Variants in RAD51B observed in about 807,000 individuals in gnomAD.
The protein encoded by RAD51B is RAD51 paralog B, also known as DNA repair protein RAD51 homolog 2.
A neutral mutation model predicts 42.2 loss-of-function variants in RAD51B; 38 were observed. The observed-to-expected ratio is 0.90, with a 90% CI of 0.70 to 1.18. The LOEUF (loss-of-function observed/expected upper bound fraction) is 1.18, where lower values mean the gene tolerates loss of function less well. RAD51B is among the 50% of genes most tolerant of loss of function. The pLI, the probability that RAD51B is intolerant of heterozygous loss-of-function variation, is 0.00. For missense variants in RAD51B, 373 were observed against 400.7 expected, an observed-to-expected ratio of 0.93 and a Z score of 0.59; for synonymous variants, 154 against 145.2, an observed-to-expected ratio of 1.06 and a Z score of -0.43.
chr14:68,443,426 C>T (rs1215606145), intron 9 of RAD51B, among the ~76,000 whole-genome samples: 1 of 152,144 alleles, frequency 6.6e-6, no homozygotes, highest in African/African-American at 2.4e-5. Flanking sequence ...CAGAAGGAAC[C>T]TGGGAGTGGT....
chr14:68,331,040 C>A (rs1218587619), intron 8 of RAD51B, among the ~76,000 whole-genome samples: 1 of 151,980 alleles, frequency 6.6e-6, no homozygotes. Context: ...AAAAACAATT[C>A]TAGGTTTATA....
chr14:68,110,770 A>G (rs1006019367), intron 7 of RAD51B, among the ~76,000 whole-genome samples: 2 of 152,054 alleles, frequency 1.3e-5, no homozygotes, highest in African/African-American at 4.8e-5. Context: ...GAATTTTAAT[A>G]CATGATTGTT....
intron 4 of RAD51B, among the ~76,000 whole-genome samples, chr14:67,839,474 T>C (rs1197014039): frequency 6.6e-6 from 1 of 152,142 alleles, no homozygotes; most frequent in Non-Finnish European, 1.5e-5. Context: ...AGTTATTCAT[T>C]ACAATCTTCC....
intron 10 of RAD51B, among the ~76,000 whole-genome samples, chr14:68,501,080 C>G (rs1057245912): frequency 2.6e-5 from 4 of 152,114 alleles, no homozygotes; most frequent in African/African-American, 9.7e-5. Flanking sequence ...TGGGGTGTGG[C>G]CAACATGGCA....
intron 7 of RAD51B, among the ~76,000 whole-genome samples, chr14:68,163,967 C>A (rs1373331834): frequency 6.6e-6 from 1 of 152,030 alleles, no homozygotes; most frequent in Non-Finnish European, 1.5e-5. Context: ...TAATATGGTC[C>A]TATTTTTCTT....
At chr14:68,578,194 G>A (rs959899601) in intron 10 of RAD51B, among the ~76,000 whole-genome samples, 1 of 152,244 alleles carries the variant, frequency 6.6e-6, no homozygotes, top group African/African-American at 2.4e-5. Flanking sequence ...GGGAGGCTGA[G>A]GTGGGCAGAT....
intron 7 of RAD51B, among the ~76,000 whole-genome samples, chr14:67,928,304 CAT>C (rs991828625): frequency 1.6e-4 from 25 of 152,026 alleles, no homozygotes; most frequent in African/African-American, 5.8e-4. Flanking sequence ...GACATGGACA[CAT>C]GTGGAGTGAT....
At chr14:67,871,781 A>G (rs1468063672) in intron 5 of RAD51B, among the ~76,000 whole-genome samples, 2 of 152,100 alleles carry the variant, frequency 1.3e-5, no homozygotes, top group Non-Finnish European at 2.9e-5. Context: ...GGCTGGTTCA[A>G]TATATGCAAA....
chr14:67,959,219 G>A (rs546583946), intron 7 of RAD51B, among the ~76,000 whole-genome samples: 14 of 151,412 alleles, frequency 9.2e-5, no homozygotes, highest in Non-Finnish European at 1.8e-4. Flanking sequence ...TAGAATGTTT[G>A]TGTTTGATTC....
At chr14:68,426,330 C>T (rs2084850634) in intron 9 of RAD51B, among the ~76,000 whole-genome samples, 1 of 151,852 alleles carries the variant, frequency 6.6e-6, no homozygotes, top group South Asian at 2.1e-4. Flanking sequence ...CCCACCTCAG[C>T]CTCCCAAAGT....
chr14:68,499,749 C>T (rs777685028), intron 10 of RAD51B, among the ~76,000 whole-genome samples: 1 of 152,076 alleles, frequency 6.6e-6, no homozygotes, highest in African/African-American at 2.4e-5. Context: ...TTAAGCAGCC[C>T]CAAGCCAAGG....
At chr14:67,909,719 C>A (rs897356533) in intron 7 of RAD51B, among the ~76,000 whole-genome samples, 1 of 152,174 alleles carries the variant, frequency 6.6e-6, no homozygotes, top group Non-Finnish European at 1.5e-5. Flanking sequence ...GTCTCTGTTG[C>A]ACAGGCTGGA....
At chr14:67,972,846 C>T (rs1473243831) in intron 7 of RAD51B, among the ~76,000 whole-genome samples, 6 of 152,016 alleles carry the variant, frequency 3.9e-5, no homozygotes. Context: ...TCAAATTTTG[C>T]TTGAAACCCA....
At chr14:68,332,914 A>G (rs2082378220) in intron 8 of RAD51B, among the ~76,000 whole-genome samples, 1 of 152,212 alleles carries the variant, frequency 6.6e-6, no homozygotes, top group Admixed American at 6.5e-5. Flanking sequence ...TCCATCAGTG[A>G]TGCTGAAATG....
intron 8 of RAD51B, among the ~76,000 whole-genome samples, chr14:68,409,309 G>A (rs2084359688): frequency 6.6e-6 from 1 of 152,220 alleles, no homozygotes; most frequent in Non-Finnish European, 1.5e-5. Flanking sequence ...GTTAGACTGA[G>A]AGGGTTGTGA....
intron 7 of RAD51B, among the ~76,000 whole-genome samples, chr14:67,950,549 G>A (rs2074425153): frequency 6.6e-6 from 1 of 152,146 alleles, no homozygotes; most frequent in Admixed American, 6.6e-5. Flanking sequence ...CTTCTTATCA[G>A]CAATAAGACT....
chr14:68,205,704 C>T (rs1049238674), intron 7 of RAD51B, among the ~76,000 whole-genome samples: 2 of 151,812 alleles, frequency 1.3e-5, no homozygotes, highest in African/African-American at 2.4e-5. Context: ...CCCATATTCA[C>T]CTGTTGCTAA....
intron 7 of RAD51B, among the ~76,000 whole-genome samples, chr14:68,007,222 T>C (rs72725153): frequency 0.17 from 26,351 of 152,150 alleles, 2,465 homozygotes; most frequent in Middle Eastern, 0.35. Context: ...CTTTTATGTA[T>C]GGTCAAATAA....
At chr14:68,332,046 G>A (rs2082362053) in intron 8 of RAD51B, among the ~76,000 whole-genome samples, 1 of 152,104 alleles carries the variant, frequency 6.6e-6, no homozygotes, top group Non-Finnish European at 1.5e-5. Flanking sequence ...AGCAAAACCC[G>A]ACTTCCAAAA....
Sources: gnomAD v4.1 joint callset for allele counts (sites outside exome capture counted in the v4.1 genomes callset) on GRCh38, gnomAD v4.1.1 for gene constraint, MANE v1.5 for transcripts, NCBI Gene and HGNC (gene_info 2026-07-23, HGNC 2026-07-21) for gene names.